The following RBFOX1 variants were observed in gnomAD, a reference collection of about 807,000 sequenced individuals.
RBFOX1 encodes RNA binding fox-1 homolog 1, also known as RNA binding protein fox-1 homolog 1.
In RBFOX1, 8 loss-of-function variants were observed where a neutral mutation model predicts 57.7. The observed-to-expected ratio is 0.14, with a 90% CI of 0.08 to 0.25. RBFOX1 has a LOEUF of 0.25. RBFOX1 is among the 10% of genes least tolerant of loss of function. RBFOX1 has a pLI of 1.00. For synonymous variants in RBFOX1, 326 were observed against 222.4 expected (o/e 1.47, Z -4.15); for missense variants, 611 against 548.5 (o/e 1.11, Z -1.14).
intron 3 of RBFOX1, among the ~76,000 whole-genome samples, chr16:5,607,468 C>A (rs1255495160): frequency 6.6e-6 from 1 of 152,112 alleles, no homozygotes; most frequent in African/African-American, 2.4e-5. Flanking sequence ...TTAGTGATTT[C>A]CCCTAATCTC....
At position 7,709,053 on chromosome 16, in the gene RBFOX1, C is replaced by T. The variant is rs748515640; in HGVS notation, c.996-3C>T. The T allele has an allele frequency of 1.9e-6, 3 of 1,611,992 alleles. No individual in the cohort carries two copies. In the African/African-American group the frequency reaches 4.0e-5, roughly 22 times the overall value. On this transcript the variant is annotated splice_polypyrimidine_tract_variant and splice_region_variant and intron_variant, in intron 14 of 15. Transcript: ENST00000550418. ...TCAATCTTCACCTCTATTTTCCTTT[C>T]AGTTACGGACGAGTTTATGCTGCCG... is the stretch of plus-strand genomic sequence containing the variant.
chr16:7,281,432 T>C (rs2095541464), intron 4 of RBFOX1, among the ~76,000 whole-genome samples: 1 of 152,070 alleles, frequency 6.6e-6, no homozygotes, highest in African/African-American at 2.4e-5. Flanking sequence ...TGCTTTGTAC[T>C]TTAGTCCTCT....
At position 5,737,626 on chromosome 16, in the gene RBFOX1, C is replaced by G. The variant is rs578185554; in HGVS notation, c.319-129677C>G. Among the ~76,000 whole-genome samples the G allele has an allele frequency of 6.1e-5, 9 of 147,940 alleles. 2 individuals are homozygous for G. In the South Asian group the frequency reaches 1.7e-3, roughly 28 times the overall value. Reference sequence around the variant, plus strand: ...TCCTGCTTTTTGTATGTCAGCAAATCTGTACTTCTCACTAAGTTTAGGGTG... The same window carrying G: ...TCCTGCTTTTTGTATGTCAGCAAATGTGTACTTCTCACTAAGTTTAGGGTG... On this transcript the variant is annotated intron_variant, in intron 3 of 19. Coordinates refer to the RBFOX1 transcript ENST00000641259.
At chr16:5,834,612 A>AGATG (rs1426121995) in intron 3 of RBFOX1, among the ~76,000 whole-genome samples, 1 of 151,828 alleles carries the variant, frequency 6.6e-6, no homozygotes, top group Non-Finnish European at 1.5e-5. Flanking sequence ...ATAGATAGAT[A>AGATG]GATAGATAGA....
chr16:7,078,034 C>G (rs1353599172), intron 4 of RBFOX1, among the ~76,000 whole-genome samples: 1 of 152,206 alleles, frequency 6.6e-6, no homozygotes, highest in Non-Finnish European at 1.5e-5. Flanking sequence ...ACTGCTAAGA[C>G]AGACAAACAC....
chr16:5,986,727 A>G (rs1303487400), intron 4 of RBFOX1, among the ~76,000 whole-genome samples: 1 of 152,082 alleles, frequency 6.6e-6, no homozygotes, highest in African/African-American at 2.4e-5. Flanking sequence ...ACTCCCTTTC[A>G]TTGCTGAATA....
At chr16:7,230,601 T>C (rs1471239818) in intron 4 of RBFOX1, among the ~76,000 whole-genome samples, 1 of 152,142 alleles carries the variant, frequency 6.6e-6, no homozygotes, top group Non-Finnish European at 1.5e-5. Context: ...AATCACGTGA[T>C]GGCATTGGGC....
intron 4 of RBFOX1, among the ~76,000 whole-genome samples, chr16:7,344,585 A>G (rs2096959185): frequency 6.6e-6 from 1 of 151,532 alleles, no homozygotes; most frequent in South Asian, 2.1e-4. Flanking sequence ...AATATAAATG[A>G]TAATAATAAT....
chr16:7,043,036 C>G (rs933762887), intron 3 of RBFOX1, among the ~76,000 whole-genome samples: 1 of 147,538 alleles, frequency 6.8e-6, no homozygotes, highest in Non-Finnish European at 1.5e-5. Context: ...CGCTTCCATC[C>G]TCCACCCCCC....
At chr16:7,473,071 A>C (rs143678511) in intron 4 of RBFOX1, among the ~76,000 whole-genome samples, 154 of 152,262 alleles carry the variant, frequency 1.0e-3, no homozygotes, top group African/African-American at 3.7e-3. Context: ...ACAAACGATG[A>C]ATAGCATTAG....
chr16:6,845,883 T>C (rs1185004415), intron 3 of RBFOX1, among the ~76,000 whole-genome samples: 2 of 152,240 alleles, frequency 1.3e-5, no homozygotes, highest in African/African-American at 4.8e-5. Flanking sequence ...CTTCTGATTC[T>C]TTATATCTCA....
chr16:6,410,660 A>C (rs2093430867), intron 2 of RBFOX1, among the ~76,000 whole-genome samples: 1 of 152,152 alleles, frequency 6.6e-6, no homozygotes, highest in South Asian at 2.1e-4. Flanking sequence ...AGGCGTGCGG[A>C]AGCACACTGA....
At chr16:7,664,499 G>A (rs1031936210) in intron 12 of RBFOX1, among the ~76,000 whole-genome samples, 7 of 152,132 alleles carry the variant, frequency 4.6e-5, no homozygotes, top group South Asian at 2.1e-4. Context: ...TCTGTGTGTC[G>A]ACCTTTACAA....
At chr16:7,441,352 C>G (rs927548482) in intron 4 of RBFOX1, among the ~76,000 whole-genome samples, 1 of 152,164 alleles carries the variant, frequency 6.6e-6, no homozygotes, top group Admixed American at 6.6e-5. Context: ...ACTAAAAACC[C>G]TACCTAATAA....
chr16:7,199,286 T>C (rs2087650679), intron 4 of RBFOX1, among the ~76,000 whole-genome samples: 2 of 152,268 alleles, frequency 1.3e-5, no homozygotes, highest in South Asian at 2.1e-4. Flanking sequence ...CAAAGTGCCC[T>C]TTTATGTTTA....
intron 3 of RBFOX1, among the ~76,000 whole-genome samples, chr16:6,980,445 C>T (rs988513043): frequency 6.6e-6 from 1 of 152,054 alleles, no homozygotes; most frequent in Non-Finnish European, 1.5e-5. Context: ...TTTACAAAAG[C>T]AAAAAACTTG....
At chr16:6,641,472 C>A (rs1398910017) in intron 2 of RBFOX1, among the ~76,000 whole-genome samples, 1 of 152,090 alleles carries the variant, frequency 6.6e-6, no homozygotes, top group Non-Finnish European at 1.5e-5. Context: ...CGGTGGCCCA[C>A]ACCTGTAATC....
chr16:5,660,679 G>T (rs2049617451), intron 3 of RBFOX1, among the ~76,000 whole-genome samples: 1 of 152,072 alleles, frequency 6.6e-6, no homozygotes, highest in Non-Finnish European at 1.5e-5. Flanking sequence ...TAGAGATAAA[G>T]TGCTTAAAAT....
chr16:6,021,597 TG>T (rs1247610629), intron 1 of RBFOX1, among the ~76,000 whole-genome samples: 4 of 152,178 alleles, frequency 2.6e-5, no homozygotes, highest in African/African-American at 7.2e-5. Context: ...AAGAATCCCC[TG>T]GGCTTTCCTT....
Sources: gnomAD v4.1 joint callset for allele counts (sites outside exome capture counted in the v4.1 genomes callset) on GRCh38, gnomAD v4.1.1 for gene constraint, MANE v1.5 for transcripts, NCBI Gene and HGNC (gene_info 2026-07-23, HGNC 2026-07-21) for gene names.